SYNJ2: variants seen among roughly 807,000 people sequenced by gnomAD.
The protein encoded by SYNJ2 is polyphosphatidylinositol phosphatase SYNJ2.
In SYNJ2, 116 loss-of-function variants were observed where a neutral mutation model predicts 141.3. That is an observed-to-expected ratio of 0.82 (90% CI 0.71 to 0.96). SYNJ2 has a LOEUF of 0.96. SYNJ2 is among the 40% of genes least tolerant of loss of function. SYNJ2 has a pLI of 0.00. For missense variants in SYNJ2, 1,873 were observed against 1,934.8 expected (o/e 0.97, Z 0.60); for synonymous variants, 745 against 777.7 (o/e 0.96, Z 0.70).
chr6:158,062,217 C>A, intron 8 of SYNJ2, 53 bp downstream of exon 8: 3 of 1,590,148 alleles, frequency 1.9e-6, no homozygotes. Context: ...AAGCGTCAGT[C>A]CACGGTGAGG....
In SYNJ2 at chr6:158,076,791, G is replaced by A. The variant is rs756741763; in HGVS notation, c.2449+9G>A. Reference sequence around the variant, plus strand: ...TCCCTTTGATAAAACAGGTGAGGGGGCCGTGCCCGTTCGAGAGTCGGCAGA... The same window carrying A: ...TCCCTTTGATAAAACAGGTGAGGGGACCGTGCCCGTTCGAGAGTCGGCAGA... On this transcript the variant is annotated intron_variant, in intron 17 of 26. Coordinates refer to ENST00000355585, the MANE Select transcript of SYNJ2 (RefSeq NM_003898.4). 3.1e-6 allele frequency: 5 copies of A among 1,602,250 alleles called. No individual in the cohort carries two copies. Among genetic ancestry groups the A allele is most frequent in the East Asian group, 2.2e-5 (1 of 44,604 alleles).
chr6:158,061,368 AG>A (rs1344763061), intron 7 of SYNJ2, among the ~76,000 whole-genome samples: 2 of 152,206 alleles, frequency 1.3e-5, no homozygotes, highest in Non-Finnish European at 2.9e-5. Flanking sequence ...CTCATATGGA[AG>A]GGAGGGCTCT....
intron 7 of SYNJ2, among the ~76,000 whole-genome samples, chr6:158,061,662 G>A (rs1236288752): frequency 6.7e-6 from 1 of 148,178 alleles, no homozygotes; most frequent in Non-Finnish European, 1.5e-5. Context: ...CTGAAGAACA[G>A]AGCAGTCCTT....
At chr6:158,001,129 C>T (rs1390683039) in intron 1 of SYNJ2, 2 of 152,430 alleles carry the variant, frequency 1.3e-5, no homozygotes, top group Non-Finnish European at 2.9e-5. Context: ...GACTCTAGCC[C>T]TCTCCCGCCC....
intron 1 of SYNJ2, among the ~76,000 whole-genome samples, chr6:157,999,556 A>G (rs1777758812): frequency 6.6e-6 from 1 of 152,230 alleles, no homozygotes; most frequent in African/African-American, 2.4e-5. Context: ...ACACAGGCCC[A>G]GGGAGCCAAG....
chr6:158,042,663 A>G (rs1271703532), intron 4 of SYNJ2, among the ~76,000 whole-genome samples: 1 of 152,220 alleles, frequency 6.6e-6, no homozygotes, highest in Non-Finnish European at 1.5e-5. Context: ...GAGGAGATAG[A>G]TGTCTTAAAG....
At chr6:158,085,853 G>T (rs1782997315) in intron 22 of SYNJ2, among the ~76,000 whole-genome samples, 1 of 152,096 alleles carries the variant, frequency 6.6e-6, no homozygotes, top group South Asian at 2.1e-4. Context: ...CATCGCGGTG[G>T]TTCTGCACGT....
rs150641399 is a variant in SYNJ2, at chr6:158,048,240, A to C, written c.795+4841A>C. ...CCCCGGGGGCAGCTCTCCCAGGCTGAGGGTGTGGGGTGGGCTGCCCAAGGG... is the reference window on the plus strand; with the variant it reads ...CCCCGGGGGCAGCTCTCCCAGGCTGCGGGTGTGGGGTGGGCTGCCCAAGGG... On this transcript the variant is annotated intron_variant, in intron 5 of 26. Transcript: ENST00000355585. Among the ~76,000 whole-genome samples the C allele has an allele frequency of 6.5e-3, 982 of 152,200 alleles. 9 individuals carry two copies. Among genetic ancestry groups the C allele is most frequent in the African/African-American group, 0.019 (779 of 41,522 alleles).
At chr6:158,074,159 T>C (rs1455384756) in intron 15 of SYNJ2, among the ~76,000 whole-genome samples, 1 of 152,080 alleles carries the variant, frequency 6.6e-6, no homozygotes, top group Non-Finnish European at 1.5e-5. Context: ...CTCAGGAAGT[T>C]ACATGAAGGT....
chr6:158,001,875 C>G (rs1057072198), intron 1 of SYNJ2, among the ~76,000 whole-genome samples: 1 of 152,160 alleles, frequency 6.6e-6, no homozygotes, highest in African/African-American at 2.4e-5. Flanking sequence ...ATTATACCAA[C>G]AGGCTGTCTT....
At chr6:158,011,108 A>G (rs1778252616) in intron 1 of SYNJ2, among the ~76,000 whole-genome samples, 1 of 151,476 alleles carries the variant, frequency 6.6e-6, no homozygotes, top group Admixed American at 6.6e-5. Flanking sequence ...ATTGGGGGAC[A>G]CCACGCGGGG....
At chr6:157,993,471 C>T (rs1777525146) in intron 1 of SYNJ2, among the ~76,000 whole-genome samples, 1 of 152,016 alleles carries the variant, frequency 6.6e-6, no homozygotes, top group African/African-American at 2.4e-5. Context: ...ATATTTCCTC[C>T]CATTCTGTGG....
Position 158,061,725 on chromosome 6 carries a change from C to G in SYNJ2, c.955-267C>G, listed in dbSNP as rs1053319881. 3.3e-5 allele frequency among the ~76,000 whole-genome samples: 5 copies of G among 152,294 alleles called. No homozygotes were observed. In the South Asian group the frequency reaches 1.0e-3, roughly 32 times the overall value. On this transcript the variant is annotated intron_variant, in intron 7 of 26. Coordinates refer to ENST00000355585, the MANE Select transcript of SYNJ2 (RefSeq NM_003898.4). Reference sequence around the variant, plus strand: ...GCAGGAGTATGATCTCTCCAGGAAGCCACACCTGCTCTGGCTTCTTTTGCT... The same window carrying G: ...GCAGGAGTATGATCTCTCCAGGAAGGCACACCTGCTCTGGCTTCTTTTGCT...
chr6:158,084,032 G>A lies in SYNJ2; in HGVS notation c.3066G>A (p.Leu1022=), dbSNP rs1171052865. The change falls in exon 22 of 27, where the codon TTG becomes TTA. Residue 1022 remains leucine (L), a synonymous_variant. Transcript: ENST00000355585. The surrounding 1 kb of genome is among the most constrained non-coding windows in gnomAD (Gnocchi z 5.0). ...GDILEDDEDY[L]VDEFNQPGVS... ...TTCTTGAAGACGATGAAGACTACTTGGTGGATGAATTCAATCAGCCTGGAG... is the reference window on the plus strand; with the variant it reads ...TTCTTGAAGACGATGAAGACTACTTAGTGGATGAATTCAATCAGCCTGGAG... 1 of 1,614,092 alleles carries A rather than the reference G, an allele frequency of 6.2e-7. No individual in the cohort carries two copies. The highest frequency in any genetic ancestry group is 8.5e-7 in the Non-Finnish European group (1 of 1,180,024).
chr6:158,029,268 G>T (rs940770992), intron 3 of SYNJ2: 2 of 434,710 alleles, frequency 4.6e-6, no homozygotes, highest in African/African-American at 4.0e-5. Flanking sequence ...AGAAACCTGC[G>T]CCAGGCATGG....
rs770157231 is a variant in SYNJ2, at chr6:158,063,819, T to C, written c.1156T>C (p.Cys386Arg). The change falls in exon 9 of 27, where the codon TGT (cysteine) becomes CGT (arginine). Residue 386 changes from cysteine (C) to arginine (R), a missense_variant. Coordinates refer to ENST00000355585, the MANE Select transcript of SYNJ2 (RefSeq NM_003898.4). ...TCAGAAAGGCACTTTGCGGATGAAC[T>C]GTCTTGACTGCCTGGACCGAACCAA... ...RFQKGTLRMNCLDCLDRTNTV... is the reference protein window; with the variant it reads ...RFQKGTLRMNRLDCLDRTNTV... The C allele has an allele frequency of 1.2e-6, 2 of 1,613,884 alleles. No individual in the cohort carries two copies. Among genetic ancestry groups the C allele is most frequent in the Non-Finnish European group, 1.7e-6 (2 of 1,179,912 alleles).
At chr6:158,007,267 C>T (rs531779727) in intron 1 of SYNJ2, among the ~76,000 whole-genome samples, 10 of 152,312 alleles carry the variant, frequency 6.6e-5, no homozygotes, top group African/African-American at 1.9e-4. Context: ...CACACCCGGC[C>T]CCATGATTGT....
intron 19 of SYNJ2, 49 bp downstream of exon 19, chr6:158,081,376 TC>T (rs1180341539): frequency 6.2e-7 from 1 of 1,613,212 alleles, no homozygotes; most frequent in Non-Finnish European, 8.5e-7. Context: ...TCGATGAGGA[TC>T]CGTGAGAGCT....
chr6:158,046,679 G>C (rs1211050252), intron 5 of SYNJ2, among the ~76,000 whole-genome samples: 1 of 152,138 alleles, frequency 6.6e-6, no homozygotes, highest in Non-Finnish European at 1.5e-5. Flanking sequence ...CCTGGGTAAT[G>C]GTACCTTCAG....
Sources: gnomAD v4.1 joint callset for allele counts (sites outside exome capture counted in the v4.1 genomes callset) on GRCh38, gnomAD v4.1.1 for gene constraint, Gnocchi (gnomAD v3.1) non-coding constraint, MANE v1.5 for transcripts, NCBI Gene and HGNC (gene_info 2026-07-23, HGNC 2026-07-21) for gene names.